The following SLX4IP variants were observed in gnomAD, a reference collection of about 807,000 sequenced individuals.
SLX4IP encodes the protein protein SLX4IP.
SLX4IP carries 34 observed loss-of-function variants against 32.9 expected under a neutral mutation model. That is an observed-to-expected ratio of 1.03 (90% CI 0.79 to 1.38). The LOEUF (loss-of-function observed/expected upper bound fraction) is 1.38, where lower values mean the gene tolerates loss of function less well. SLX4IP is among the 40% of genes most tolerant of loss of function. The pLI is 0.00. For synonymous variants in SLX4IP, 172 were observed against 171.7 expected (o/e 1.00, Z -0.01); for missense variants, 444 against 479.0 (o/e 0.93, Z 0.68).
chr20:10,585,283 T>A (rs975031426), intron 4 of SLX4IP, among the ~76,000 whole-genome samples: 2 of 152,214 alleles, frequency 1.3e-5, no homozygotes, highest in African/African-American at 4.8e-5. Flanking sequence ...CTGTCACTAA[T>A]GCTCTCTGGC....
chr20:10,560,139 G>A (rs2066315202), intron 3 of SLX4IP, among the ~76,000 whole-genome samples: 1 of 152,196 alleles, frequency 6.6e-6, no homozygotes, highest in Non-Finnish European at 1.5e-5. Context: ...ACATGAAACA[G>A]TCCCCTAAAA....
chr20:10,551,816 A>G (rs764357527), intron 2 of SLX4IP, among the ~76,000 whole-genome samples: 6 of 152,204 alleles, frequency 3.9e-5, no homozygotes, highest in Non-Finnish European at 5.9e-5. Context: ...CGTCAGGTGC[A>G]GGAGACAAAG....
At chr20:10,452,672 A>AT (rs1391269787) in intron 1 of SLX4IP, among the ~76,000 whole-genome samples, 5,272 of 73,662 alleles carry the variant, frequency 0.072, 161 homozygotes, top group Admixed American at 0.18. Flanking sequence ...CTCAAAAAAA[A>AT]AAAAAAAAAT....
chr20:10,476,528 T>G (rs186140724), intron 2 of SLX4IP, among the ~76,000 whole-genome samples: 2 of 152,350 alleles, frequency 1.3e-5, no homozygotes, highest in African/African-American at 4.8e-5. Context: ...TTTTTAAAGG[T>G]TGCTGGATGG....
chr20:10,580,238 A>AC (rs2066568776), intron 4 of SLX4IP, among the ~76,000 whole-genome samples: 1 of 151,696 alleles, frequency 6.6e-6, no homozygotes, highest in South Asian at 2.1e-4. Flanking sequence ...TCCTTTGTTC[A>AC]CCCTTCCAGG....
At position 10,444,640 on chromosome 20, in the gene SLX4IP, T is replaced by C. The variant is rs372296833; in HGVS notation, c.-30+9187T>C. 2.0e-5 allele frequency among the ~76,000 whole-genome samples: 3 copies of C among 152,236 alleles called. No homozygotes were observed. The East Asian group carries it at 5.8e-4, about 29-fold the overall frequency. ...ATCCGCCCGCCTCAGCCTCCCAAAGTGCTGGGATTACAGACATGAGCCACC... is the reference window on the plus strand; with the variant it reads ...ATCCGCCCGCCTCAGCCTCCCAAAGCGCTGGGATTACAGACATGAGCCACC... On this transcript the variant is annotated intron_variant, in intron 1 of 7. Coordinates refer to ENST00000334534, the MANE Select transcript of SLX4IP (RefSeq NM_001009608.3).
At chr20:10,616,772 G>A (rs577626000) in intron 6 of SLX4IP, among the ~76,000 whole-genome samples, 12 of 152,164 alleles carry the variant, frequency 7.9e-5, no homozygotes, top group Admixed American at 2.0e-4. Flanking sequence ...ATCTAACATA[G>A]CACCCCATGG....
intron 2 of SLX4IP, among the ~76,000 whole-genome samples, chr20:10,460,790 G>A (rs4813935): frequency 0.37 from 56,584 of 151,888 alleles, 12,334 homozygotes; most frequent in Non-Finnish European, 0.49. Flanking sequence ...GTTGGGGTGC[G>A]TCTATGGAGA....
At position 10,556,411 on chromosome 20, in the gene SLX4IP, G is replaced by GA. The variant is rs1222083727; in HGVS notation, c.117+98dup. 4 of 1,270,336 alleles carry GA rather than the reference G, an allele frequency of 3.1e-6. No homozygotes were observed. In the African/African-American group the frequency reaches 4.5e-5, roughly 14 times the overall value. The allele number at this position is 1,270,336 out of a possible 1,614,324, so 78.7% of individuals were successfully genotyped here. ...TTCCAGCTTTCATTTCTGTTAGTGG[G>GA]AAAAAAATGTTGCGTATTTAATCCT... On this transcript the variant is annotated intron_variant, in intron 3 of 7. Transcript: ENST00000334534.
chr20:10,500,652 C>T (rs2065710455), intron 2 of SLX4IP, among the ~76,000 whole-genome samples: 1 of 151,942 alleles, frequency 6.6e-6, no homozygotes, highest in South Asian at 2.1e-4. Context: ...CTAGGAAAGC[C>T]GAGGTGGGAG....
At chr20:10,520,815 G>A (rs1411464860) in intron 2 of SLX4IP, among the ~76,000 whole-genome samples, 1 of 151,912 alleles carries the variant, frequency 6.6e-6, no homozygotes, top group East Asian at 1.9e-4. Flanking sequence ...TTTAATTGTT[G>A]GAATCACATT....
intron 2 of SLX4IP, among the ~76,000 whole-genome samples, chr20:10,521,632 A>G (rs1313471376): frequency 2.0e-5 from 3 of 152,200 alleles, no homozygotes; most frequent in Non-Finnish European, 2.9e-5. Flanking sequence ...CTGAGTGGCA[A>G]TATTATTCAT....
Position 10,472,261 on chromosome 20 carries a change from G to C in SLX4IP, c.27+14030G>C, listed in dbSNP as rs1173901371. 3.4e-5 allele frequency among the ~76,000 whole-genome samples: 5 copies of C among 145,318 alleles called. No individual in the cohort carries two copies. The South Asian group carries it at 1.1e-3, about 31-fold the overall frequency. ...TTTTTTTTTTTTTGAGATGGAGTCTGGCTCTGTCGCCCAGGCTCGAGTGCA... is the reference window on the plus strand; with the variant it reads ...TTTTTTTTTTTTTGAGATGGAGTCTCGCTCTGTCGCCCAGGCTCGAGTGCA... On this transcript the variant is annotated intron_variant, in intron 2 of 7. Transcript: ENST00000334534.
chr20:10,540,096 T>TTCCCTTCCTTCCTTCCTTCC (rs1380282080), intron 2 of SLX4IP, among the ~76,000 whole-genome samples: 3 of 111,750 alleles, frequency 2.7e-5, no homozygotes, highest in South Asian at 6.7e-4. Flanking sequence ...CCTTCCTTCC[T>TTCCCTTCCTTCCTTCCTTCC]TTCCTTCCTT....
chr20:10,461,331 A>G (rs373538715), intron 2 of SLX4IP, among the ~76,000 whole-genome samples: 22 of 152,334 alleles, frequency 1.4e-4, no homozygotes, highest in African/African-American at 4.6e-4. Flanking sequence ...ATATTATCCC[A>G]TCTTATAGTG....
At chr20:10,578,869 T>C (rs1455838743) in intron 4 of SLX4IP, among the ~76,000 whole-genome samples, 1 of 152,232 alleles carries the variant, frequency 6.6e-6, no homozygotes, top group Non-Finnish European at 1.5e-5. Flanking sequence ...TTTGTATATC[T>C]TCTGTGGATA....
rs540804839 is a variant in SLX4IP, at chr20:10,502,530, C to T, written c.27+44299C>T. The stretch of plus-strand genomic sequence containing the variant: ...CACTTTCAACCTCACAGGACTTCTT[C>T]GAAGATGCCAGCCTCCTTTTCACAG... On this transcript the variant is annotated intron_variant, in intron 2 of 7. Transcript: ENST00000334534. Among the ~76,000 whole-genome samples the T allele has an allele frequency of 1.5e-4, 23 of 151,780 alleles. No homozygotes were observed. The South Asian group carries it at 2.1e-3, about 14-fold the overall frequency.
At chr20:10,476,018 G>A (rs1194859972) in intron 2 of SLX4IP, among the ~76,000 whole-genome samples, 1 of 152,196 alleles carries the variant, frequency 6.6e-6, no homozygotes, top group Non-Finnish European at 1.5e-5. Context: ...TCTGACCCTT[G>A]AGAAGCTTCT....
At chr20:10,547,926 CAG>C (rs2122487188) in intron 2 of SLX4IP, among the ~76,000 whole-genome samples, 1 of 152,354 alleles carries the variant, frequency 6.6e-6, no homozygotes, top group South Asian at 2.1e-4. Context: ...AGTGGACTGA[CAG>C]AGGACAGTAT....
Sources: gnomAD v4.1 joint callset for allele counts (sites outside exome capture counted in the v4.1 genomes callset) on GRCh38, gnomAD v4.1.1 for gene constraint, MANE v1.5 for transcripts, NCBI Gene and HGNC (gene_info 2026-07-23, HGNC 2026-07-21) for gene names.